The following LTBP3 variants were observed in gnomAD, a reference collection of about 807,000 sequenced individuals.
The protein encoded by LTBP3 is latent-transforming growth factor beta-binding protein 3.
Under a neutral mutation model 159.7 loss-of-function variants are expected in LTBP3, and 97 were observed. The observed-to-expected ratio is 0.61, with a 90% CI of 0.52 to 0.72. The LOEUF is 0.72. Among genes scored for constraint, LTBP3 ranks in the 30% least tolerant of loss-of-function variants. The pLI, the probability that LTBP3 is intolerant of heterozygous loss-of-function variation, is 0.00. For missense variants in LTBP3, 1,584 were observed against 1,864.3 expected (o/e 0.85, Z 2.77); for synonymous variants, 824 against 777.1 (o/e 1.06, Z -1.00).
intron 22 of LTBP3, 30 bp downstream of exon 22, chr11:65,540,456 T>A (rs1290452280): frequency 6.2e-7 from 1 of 1,612,302 alleles, no homozygotes; most frequent in Admixed American, 1.7e-5. Flanking sequence ...CCCTGCCGCT[T>A]CCCCACGGCC....
rs537266142 is a variant in LTBP3 at position 65,555,079 on chromosome 11, T to TCC, written c.332-701_332-700dup. ...CCACAGCTGAGCCCCGACGGCTCCG[T>TCC]CCCTCCTGCTCTCCCCTGCCCAGTT... On this transcript the variant is annotated intron_variant, in intron 1 of 27. Transcript: ENST00000301873. Among the ~76,000 whole-genome samples the TCC allele has an allele frequency of 3.4e-4, 52 of 152,130 alleles. No homozygotes were observed. In the East Asian group the frequency reaches 9.9e-3, roughly 29 times the overall value.
chr11:65,547,566 G>A lies in LTBP3; in HGVS notation c.1980C>T (p.Asp660=). 1.2e-6 allele frequency: 2 copies of A among 1,613,912 alleles called. No individual in the cohort carries two copies. The highest frequency in any genetic ancestry group is 1.7e-6 in the Non-Finnish European group (2 of 1,179,904). ...GGTGGGGCTTGGCGCATTCGTTCAG[G>A]TCTGTGCGGGAGGAAGGGGCCACGA... is the stretch of plus-strand genomic sequence containing the variant. ...HVGAGGRSCV[D]LNECAKPHLC... Residue 660 remains aspartate (D), a splice_region_variant and synonymous_variant, in exon 14 of 28, where the codon GAC becomes GAT. Coordinates refer to ENST00000301873, the MANE Select transcript of LTBP3 (RefSeq NM_001130144.3). This position sits in a 1 kb window ranked among gnomAD's most constrained non-coding sequence, Gnocchi z 4.6.
rs765154548 is a variant in LTBP3 at position 65,540,961 on chromosome 11, G to A, written c.2894-7C>T. On this transcript the variant is annotated splice_region_variant and splice_polypyrimidine_tract_variant and intron_variant, in intron 20 of 27. Coordinates refer to ENST00000301873, the MANE Select transcript of LTBP3 (RefSeq NM_001130144.3). ...CAGAGGCTGTGGAACTCGGCTGCAG[G>A]GGCAGGGCGGCCGTGGGGAGGGAAG... 5.0e-5 allele frequency: 80 copies of A among 1,612,442 alleles called. No individual in the cohort carries two copies. In the African/African-American group the frequency reaches 1.0e-3, roughly 21 times the overall value.
chr11:65,554,609 G>A lies in LTBP3; in HGVS notation c.332-229C>T, dbSNP rs191040662. 1.9e-4 allele frequency among the ~76,000 whole-genome samples: 29 copies of A among 152,112 alleles called. No individual in the cohort carries two copies. Among genetic ancestry groups the A allele is most frequent in the African/African-American group, 6.7e-4 (28 of 41,490 alleles). ...TCGCTAAGCCATGTGCCAGCTGTGC[G>A]ACCCTGAGCAACTCACGTCCCCTCC... is the stretch of plus-strand genomic sequence containing the variant. On this transcript the variant is annotated intron_variant, in intron 1 of 27. Transcript: ENST00000301873. The surrounding 1 kb of genome is among the most constrained non-coding windows in gnomAD (Gnocchi z 5.3).
At chr11:65,545,382 C>T (rs890033782) in intron 16 of LTBP3, 12 of 225,964 alleles carry the variant, frequency 5.3e-5, no homozygotes, top group Non-Finnish European at 1.1e-4. Context: ...GGTGGGTATG[C>T]TGGCATCTCC....
rs1004941272 is a variant in LTBP3, at chr11:65,543,287, C to T, written c.2477-63G>A. 6.8e-6 allele frequency: 11 copies of T among 1,612,894 alleles called. No homozygotes were observed. The South Asian group carries it at 1.2e-4, about 18-fold the overall frequency. ...GATCACCAACCCCAGCCTGAGGCAG[C>T]CAAAGCTTTCTCCCAGAGCCCTGGG... On this transcript the variant is annotated intron_variant, in intron 17 of 27. Coordinates refer to ENST00000301873, the MANE Select transcript of LTBP3 (RefSeq NM_001130144.3).
chr11:65,545,847 G>A (rs573567702), intron 16 of LTBP3: 3 of 187,340 alleles, frequency 1.6e-5, no homozygotes, highest in African/African-American at 4.7e-5. Context: ...GTCCCTCCCC[G>A]GCCAGCCTCA....
In LTBP3 at chr11:65,539,155, G is replaced by A. The variant is rs1355194525; in HGVS notation, c.3837C>T (p.Ser1279=). The part of the protein sequence containing the change: ...KSERCVNTSG[S]FRCVCKAGFA... Reference sequence around the variant, plus strand: ...AGCCGGCTTTGCAGACGCAGCGGAAGGAGCCGCTGGTGTTCACGCAGCGCT... The same window carrying A: ...AGCCGGCTTTGCAGACGCAGCGGAAAGAGCCGCTGGTGTTCACGCAGCGCT... The change falls in exon 28 of 28, where the codon TCC becomes TCT. Residue 1279 remains serine (S), a synonymous_variant. Transcript: ENST00000301873. The A allele has an allele frequency of 6.7e-7, 1 of 1,498,372 alleles. No individual in the cohort carries two copies. Among genetic ancestry groups the A allele is most frequent in the East Asian group, 2.7e-5 (1 of 36,394 alleles). 92.8% of individuals were successfully genotyped at this position (1,498,372 alleles called of 1,614,324 possible).
chr11:65,543,928 G>A (rs1009827409), intron 16 of LTBP3: 27 of 331,736 alleles, frequency 8.1e-5, no homozygotes, highest in Non-Finnish European at 1.5e-4. Flanking sequence ...ACCCTCCCCC[G>A]GGACACACTT....
chr11:65,546,366 C>T lies in LTBP3; in HGVS notation c.2353+76G>A. ...TGAGCCACCTTCCACCCACTGTTTA[C>T]AGACAGCGTGACCCGCTCCCCGGCT... On this transcript the variant is annotated intron_variant, in intron 16 of 27. Transcript: ENST00000301873. The surrounding 1 kb of genome is among the most constrained non-coding windows in gnomAD (Gnocchi z 4.0). 1 of 1,460,112 alleles carries T rather than the reference C, an allele frequency of 6.8e-7. No homozygotes were observed. The allele number at this position is 1,460,112 out of a possible 1,614,324, so 90.4% of individuals were successfully genotyped here.
chr11:65,552,711 C>A lies in LTBP3; in HGVS notation c.1186+149G>T. On this transcript the variant is annotated intron_variant, in intron 6 of 27. Coordinates refer to ENST00000301873, the MANE Select transcript of LTBP3 (RefSeq NM_001130144.3). The surrounding 1 kb of genome is among the most constrained non-coding windows in gnomAD (Gnocchi z 6.0). ...TGCTAATGGCAGATCTCATGTGACC[C>A]CGGACCCTGCTGATCCCTGATCCTA... The A allele has an allele frequency of 2.5e-6, 3 of 1,186,384 alleles. No individual in the cohort carries two copies. Among genetic ancestry groups the A allele is most frequent in the Non-Finnish European group, 3.7e-6 (3 of 812,454 alleles). The allele number at this position is 1,186,384 out of a possible 1,614,324, so 73.5% of individuals were successfully genotyped here.
chr11:65,551,787 A>T, intron 8 of LTBP3, 185 bp downstream of exon 8: 1 of 914,494 alleles, frequency 1.1e-6, no homozygotes, highest in Non-Finnish European at 1.8e-6. Context: ...TAGAAGGCTT[A>T]GGAGGTTATA....
In LTBP3 at chr11:65,546,743, GA is replaced by G; in HGVS notation, c.2230+54del. 2.0e-6 allele frequency: 2 copies of G among 1,014,566 alleles called. 1 individual carries two copies. Among genetic ancestry groups the G allele is most frequent in the South Asian group, 2.5e-5 (2 of 78,444 alleles). 62.8% of individuals were successfully genotyped at this position (1,014,566 alleles called of 1,614,324 possible). A position where few individuals can be genotyped will look rare whatever the true frequency, so the allele number is the denominator to read the frequency against. ...CCCCGCCCCGCCCCCAGCGGAGCCA[GA>G]CTGGGGGAGGCACCTGACGGCCCCA... On this transcript the variant is annotated intron_variant, in intron 15 of 27. Coordinates refer to ENST00000301873, the MANE Select transcript of LTBP3 (RefSeq NM_001130144.3). This position sits in a 1 kb window ranked among gnomAD's most constrained non-coding sequence, Gnocchi z 4.0.
intron 18 of LTBP3, chr11:65,542,737 G>A: frequency 5.9e-6 from 2 of 339,820 alleles, no homozygotes. Context: ...ATGTGTATGG[G>A]TGAGTTGATG....
chr11:65,546,471 G>C lies in LTBP3; in HGVS notation c.2324C>G (p.Ala775Gly), dbSNP rs1193918253. The C allele has an allele frequency of 6.3e-7, 1 of 1,584,480 alleles. No individual in the cohort carries two copies. Among genetic ancestry groups the C allele is most frequent in the Non-Finnish European group, 8.5e-7 (1 of 1,172,946 alleles). ...SFRCTCAQGYAPAPDGRSCLD... is the reference protein window; with the variant it reads ...SFRCTCAQGYGPAPDGRSCLD... ...GCAACTGCGGCCGTCGGGCGCGGGC[G>C]CGTAGCCCTGGGCACAGGTGCAGCG... is the stretch of plus-strand genomic sequence containing the variant. The change falls in exon 16 of 28, where the codon GCG (alanine) becomes GGG (glycine). Residue 775 changes from alanine (A) to glycine (G), a missense_variant. Physicochemically the swap from Ala to Gly is moderately conservative, Grantham distance 60. Around this residue, in one of 6 missense-constraint regions of LTBP3, gnomAD observed 565 missense variants for 677.7 expected, o/e 0.83. Coordinates refer to ENST00000301873, the MANE Select transcript of LTBP3 (RefSeq NM_001130144.3). This position sits in a 1 kb window ranked among gnomAD's most constrained non-coding sequence, Gnocchi z 4.0.
chr11:65,540,661 C>G (rs1239688397), intron 21 of LTBP3, 47 bp from the exon 22 acceptor site: 3 of 1,570,098 alleles, frequency 1.9e-6, no homozygotes, highest in East Asian at 2.4e-5. Flanking sequence ...AGCTGCAGCC[C>G]GGAGGCGTGG....
At position 65,553,912 on chromosome 11, in the gene LTBP3, G is replaced by C. The variant is rs987109185; in HGVS notation, c.662-9C>G. 8 of 1,519,390 alleles carry C rather than the reference G, an allele frequency of 5.3e-6. No homozygotes were observed. Among genetic ancestry groups the C allele is most frequent in the African/African-American group, 4.1e-5 (3 of 73,010 alleles). The allele number at this position is 1,519,390 out of a possible 1,614,324, so 94.1% of individuals were successfully genotyped here. A position where few individuals can be genotyped will look rare whatever the true frequency, so the allele number is the denominator to read the frequency against. On this transcript the variant is annotated splice_polypyrimidine_tract_variant and intron_variant, in intron 2 of 27. Coordinates refer to ENST00000301873, the MANE Select transcript of LTBP3 (RefSeq NM_001130144.3). The surrounding 1 kb of genome is among the most constrained non-coding windows in gnomAD (Gnocchi z 6.5). ...GGGGGGCGGGGCCTGCACTGGGGGC[G>C]GGCGCGGTGGCCTCAGGGCTGCCCG... is the stretch of plus-strand genomic sequence containing the variant.
rs1221928361 is a variant in LTBP3 at position 65,540,903 on chromosome 11, T to A, written c.2945A>T (p.Asn982Ile). The change falls in exon 21 of 28, where the codon AAC (asparagine) becomes ATC (isoleucine). Residue 982 changes from asparagine (N) to isoleucine (I), a missense_variant. Around this residue, in one of 6 missense-constraint regions of LTBP3, gnomAD observed 514 missense variants for 530.3 expected, o/e 0.97. Transcript: ENST00000301873. ...GGCTGGGATGCCGTAGTTGACGATG[T>A]TGTTGTCCTGGGTGTAGCCCTTTCC... ...PDGKGYTQDN[N>I]IVNYGIPAHR... 6.2e-7 allele frequency: 1 copy of A among 1,613,264 alleles called. No individual in the cohort carries two copies. Among genetic ancestry groups the A allele is most frequent in the Admixed American group, 1.7e-5 (1 of 59,882 alleles).
At position 65,554,484 on chromosome 11, in the gene LTBP3, T is replaced by G; in HGVS notation, c.332-104A>C. ...GCTCTGTCCTCTTGGGAAGCCAGGTTTTGAGATACATCCTACATAGGGAAA... is the reference window on the plus strand; with the variant it reads ...GCTCTGTCCTCTTGGGAAGCCAGGTGTTGAGATACATCCTACATAGGGAAA... On this transcript the variant is annotated intron_variant, in intron 1 of 27. Coordinates refer to ENST00000301873, the MANE Select transcript of LTBP3 (RefSeq NM_001130144.3). The surrounding 1 kb of genome is among the most constrained non-coding windows in gnomAD (Gnocchi z 5.3). 1.1e-6 allele frequency: 1 copy of G among 874,466 alleles called. No homozygotes were observed. Among genetic ancestry groups the G allele is most frequent in the South Asian group, 1.6e-5 (1 of 60,874 alleles). 54.2% of individuals were successfully genotyped at this position (874,466 alleles called of 1,614,324 possible). A position where few individuals can be genotyped will look rare whatever the true frequency, so the allele number is the denominator to read the frequency against.
Sources: allele counts gnomAD v4.1 joint callset (sites outside exome capture counted in the v4.1 genomes callset), GRCh38; gene constraint gnomAD v4.1.1; regional missense constraint gnomAD v4.1.1; non-coding constraint Gnocchi (gnomAD v3.1); transcripts MANE v1.5; gene names NCBI Gene and HGNC (gene_info 2026-07-23, HGNC 2026-07-21).